Variants in PHF20 observed in about 807,000 individuals in gnomAD.
The protein encoded by PHF20 is glioma-expressed antigen 2.
Under a neutral mutation model 113.5 loss-of-function variants are expected in PHF20, and 23 were observed. The observed-to-expected ratio is 0.20, with a 90% confidence interval of 0.15 to 0.29. The LOEUF is 0.29. Ranked by LOEUF, PHF20 falls within the 10% of genes least tolerant of loss-of-function variation. PHF20 has a pLI of 1.00. For missense variants in PHF20, 943 were observed against 1,219.6 expected, an observed-to-expected ratio of 0.77 and a Z score of 3.38; for synonymous variants, 434 against 457.3, an observed-to-expected ratio of 0.95 and a Z score of 0.65.
chr20:35,844,526 A>G (rs1484347174), intron 3 of PHF20, among the ~76,000 whole-genome samples: 3 of 118,906 alleles, frequency 2.5e-5, no homozygotes, highest in Non-Finnish European at 1.7e-5. Flanking sequence ...AGAATCTCCC[A>G]TTTTTCTTCA....
chr20:35,824,445 A>G (rs2042227526), intron 2 of PHF20, among the ~76,000 whole-genome samples: 1 of 151,908 alleles, frequency 6.6e-6, no homozygotes, highest in African/African-American at 2.4e-5. Context: ...TGTCTCTACT[A>G]AAAATACAAA....
chr20:35,794,826 C>T lies in PHF20; in HGVS notation c.-32-6665C>T, dbSNP rs184524632. ...AGGGCAAGACTTCCAGTTACCATAG[C>T]GACAGTACTCTTTTGCCTCTCCCAA... On this transcript the variant is annotated intron_variant, in intron 1 of 17. Coordinates refer to ENST00000374012, the MANE Select transcript of PHF20 (RefSeq NM_016436.5). 1.5e-3 allele frequency among the ~76,000 whole-genome samples: 221 copies of T among 152,214 alleles called. 1 individual carries two copies. Among genetic ancestry groups the T allele is most frequent in the Non-Finnish European group, 4.0e-4 (27 of 68,022 alleles).
intron 6 of PHF20, among the ~76,000 whole-genome samples, chr20:35,869,077 C>T (rs2054370727): frequency 6.6e-6 from 1 of 151,184 alleles, no homozygotes; most frequent in African/African-American, 2.4e-5. Flanking sequence ...GGTGACAGAG[C>T]GAGACTCCAT....
At chr20:35,899,715 C>T in intron 10 of PHF20, 67 bp downstream of exon 10, 1 of 1,508,148 alleles carries the variant, frequency 6.6e-7, no homozygotes, top group Admixed American at 1.8e-5. Flanking sequence ...CTTGTGTTTT[C>T]TGACACACAA....
chr20:35,872,830 G>A (rs1480076838), intron 9 of PHF20, among the ~76,000 whole-genome samples: 1 of 152,176 alleles, frequency 6.6e-6, no homozygotes, highest in African/African-American at 2.4e-5. Flanking sequence ...CTGTCCTGGT[G>A]AATGTTTCAT....
At chr20:35,937,068 A>G (rs555683524) in intron 15 of PHF20, among the ~76,000 whole-genome samples, 2 of 152,264 alleles carry the variant, frequency 1.3e-5, no homozygotes, top group East Asian at 1.9e-4. Context: ...AGGCAGACCA[A>G]CTTGAGGGGT....
At chr20:35,875,815 G>A (rs532331572) in intron 9 of PHF20, among the ~76,000 whole-genome samples, 8 of 152,244 alleles carry the variant, frequency 5.3e-5, no homozygotes, top group Admixed American at 6.5e-5. Flanking sequence ...TAGGAAACAC[G>A]CCATGCATAT....
intron 4 of PHF20, among the ~76,000 whole-genome samples, chr20:35,858,042 T>A (rs537568717): frequency 2.6e-5 from 4 of 152,384 alleles, no homozygotes; most frequent in East Asian, 1.9e-4. Flanking sequence ...AAATTTTTTT[T>A]ATTTTAATGA....
Position 35,917,447 on chromosome 20 carries a change from C to T in PHF20, c.1826-37C>T, listed in dbSNP as rs1282049718. 4.5e-6 allele frequency: 7 copies of T among 1,550,920 alleles called. No homozygotes were observed. The African/African-American group carries it at 9.5e-5, about 21-fold the overall frequency. On this transcript the variant is annotated intron_variant, in intron 12 of 17. Coordinates refer to ENST00000374012, the MANE Select transcript of PHF20 (RefSeq NM_016436.5). ...AATCAAAGGTTTTTTAATTTTATAACCTAAAATAGTAACTGTTGTTTTCCC... is the reference window on the plus strand; with the variant it reads ...AATCAAAGGTTTTTTAATTTTATAATCTAAAATAGTAACTGTTGTTTTCCC...
chr20:35,927,604 G>C (rs2055666828), intron 13 of PHF20, among the ~76,000 whole-genome samples, 176 bp from the exon 14 acceptor site: 1 of 152,176 alleles, frequency 6.6e-6, no homozygotes, highest in South Asian at 2.1e-4. Flanking sequence ...TACCATACTG[G>C]ACAGTGCAGT....
chr20:35,930,686 A>T (rs879324264), intron 14 of PHF20, among the ~76,000 whole-genome samples: 1 of 152,150 alleles, frequency 6.6e-6, no homozygotes, highest in Admixed American at 6.5e-5. Flanking sequence ...AAGCAGGAAA[A>T]AAATAAAAGC....
intron 2 of PHF20, among the ~76,000 whole-genome samples, chr20:35,805,510 C>G (rs2041865333): frequency 6.6e-6 from 1 of 151,570 alleles, no homozygotes; most frequent in South Asian, 2.1e-4. Context: ...AGCTTCCCGG[C>G]TAATTTTTTG....
chr20:35,876,846 C>T (rs1246137011), intron 9 of PHF20, among the ~76,000 whole-genome samples: 2 of 152,002 alleles, frequency 1.3e-5, no homozygotes, highest in Non-Finnish European at 2.9e-5. Context: ...GTGTCTCATG[C>T]CTGTAATCCC....
chr20:35,939,744 G>A (rs1172151092), intron 16 of PHF20, among the ~76,000 whole-genome samples: 1 of 152,138 alleles, frequency 6.6e-6, no homozygotes, highest in African/African-American at 2.4e-5. Context: ...TTGTCAGTGA[G>A]GCTTTGTATG....
At chr20:35,856,719 G>A (rs2042834725) in intron 4 of PHF20, among the ~76,000 whole-genome samples, 1 of 152,202 alleles carries the variant, frequency 6.6e-6, no homozygotes, top group Admixed American at 6.5e-5. Flanking sequence ...AGCTTTTACA[G>A]AACTGTTGTG....
chr20:35,787,158 ATTATTTAT>A (rs58760101), intron 1 of PHF20, among the ~76,000 whole-genome samples: 6,553 of 143,844 alleles, frequency 0.046, 233 homozygotes, highest in South Asian at 0.2. Context: ...TGCCTGGCTA[ATTATTTAT>A]TTATTTATTT....
intron 5 of PHF20, among the ~76,000 whole-genome samples, chr20:35,860,031 G>A (rs762342432): frequency 1.3e-5 from 2 of 152,044 alleles, no homozygotes; most frequent in East Asian, 1.9e-4. Context: ...AGTGATTCTC[G>A]TCTCAGCCTT....
At chr20:35,811,383 T>C (rs533723923) in intron 2 of PHF20, among the ~76,000 whole-genome samples, 329 of 152,212 alleles carry the variant, frequency 2.2e-3, no homozygotes, top group African/African-American at 7.5e-3. Context: ...TTGTGACTTC[T>C]TGCCTCTGAA....
chr20:35,816,330 A>G (rs1465833046), intron 2 of PHF20, among the ~76,000 whole-genome samples: 1 of 152,202 alleles, frequency 6.6e-6, no homozygotes, highest in Non-Finnish European at 1.5e-5. Context: ...TTTTAAAGTT[A>G]CAATATCAAT....
Sources: allele counts gnomAD v4.1 joint callset (sites outside exome capture counted in the v4.1 genomes callset), GRCh38; gene constraint gnomAD v4.1.1; transcripts MANE v1.5; gene names NCBI Gene and HGNC (gene_info 2026-07-23, HGNC 2026-07-21).